Variants in SLIT2 observed in about 807,000 individuals in gnomAD.
SLIT2 encodes slit guidance ligand 2.
In SLIT2, 41 loss-of-function variants were observed where a neutral mutation model predicts 185.7. That is an observed-to-expected ratio of 0.22 (90% CI 0.17 to 0.29). SLIT2 has a LOEUF of 0.29. Ranked by LOEUF, SLIT2 falls within the 10% of genes least tolerant of loss-of-function variation. The pLI, the probability that SLIT2 is intolerant of heterozygous loss-of-function variation, is 1.00. For synonymous variants in SLIT2, 693 were observed against 680.2 expected (o/e 1.02, Z -0.29); for missense variants, 1,571 against 1,909.0 (o/e 0.82, Z 3.30).
intron 4 of SLIT2, among the ~76,000 whole-genome samples, chr4:20,308,233 C>T (rs757959737): frequency 7.2e-5 from 11 of 152,072 alleles, no homozygotes; most frequent in Non-Finnish European, 1.6e-4. Flanking sequence ...CATTCAGAAA[C>T]GGGATGTCAT....
intron 4 of SLIT2, among the ~76,000 whole-genome samples, chr4:20,276,158 A>G (rs1422907111): frequency 6.6e-6 from 1 of 152,136 alleles, no homozygotes; most frequent in Non-Finnish European, 1.5e-5. Flanking sequence ...AAAATTGCAA[A>G]TCTTTTAGCA....
intron 4 of SLIT2, among the ~76,000 whole-genome samples, chr4:20,450,649 T>C (rs1486086087): frequency 6.6e-6 from 1 of 152,234 alleles, no homozygotes; most frequent in East Asian, 1.9e-4. Context: ...TTTTTAACTA[T>C]GCAGGTAATA....
At chr4:20,318,643 T>A (rs1483111711) in intron 4 of SLIT2, among the ~76,000 whole-genome samples, 1 of 151,998 alleles carries the variant, frequency 6.6e-6, no homozygotes, top group Non-Finnish European at 1.5e-5. Flanking sequence ...AGTCATTTTT[T>A]TTTCCTTCTC....
intron 4 of SLIT2, among the ~76,000 whole-genome samples, chr4:20,295,835 GA>G (rs80128920): frequency 0.23 from 34,720 of 150,898 alleles, 5,057 homozygotes; most frequent in East Asian, 0.6. Flanking sequence ...TGAGTACTAG[GA>G]AAAAAAAATA....
chr4:20,401,645 C>G (rs768119803), intron 4 of SLIT2, among the ~76,000 whole-genome samples: 2 of 151,876 alleles, frequency 1.3e-5, no homozygotes, highest in Non-Finnish European at 2.9e-5. Context: ...AACCTCAAGT[C>G]TAAACTACAT....
chr4:20,263,955 C>G (rs532922316), intron 3 of SLIT2, among the ~76,000 whole-genome samples: 1 of 151,752 alleles, frequency 6.6e-6, no homozygotes, highest in African/African-American at 2.4e-5. Context: ...TTCTTCCTAA[C>G]GTAGTATATG....
chr4:20,568,802 A>C, intron 28 of SLIT2, 63 bp from the exon 29 acceptor site: 86 of 1,463,282 alleles, frequency 5.9e-5, no homozygotes, highest in Non-Finnish European at 7.2e-5. Flanking sequence ...TTCAATATTT[A>C]GACCACATGA....
chr4:20,612,455 C>T (rs1560239867), intron 34 of SLIT2, among the ~76,000 whole-genome samples: 1 of 152,104 alleles, frequency 6.6e-6, no homozygotes, highest in Non-Finnish European at 1.5e-5. Flanking sequence ...GTCCCACTGC[C>T]AGAGATCACC....
At position 20,491,754 on chromosome 4, in the gene SLIT2, T is replaced by A; in HGVS notation, c.776-7T>A. The A allele has an allele frequency of 6.2e-7, 1 of 1,606,868 alleles. No individual in the cohort carries two copies. Among genetic ancestry groups the A allele is most frequent in the Non-Finnish European group, 8.5e-7 (1 of 1,177,402 alleles). ...AAAAATATAATTCCTGTTTATTTCT[T>A]TTTTAGGTCACCAGTCATTTATGGC... On this transcript the variant is annotated splice_polypyrimidine_tract_variant and splice_region_variant and intron_variant, in intron 8 of 36. Transcript: ENST00000504154.
At chr4:20,549,482 A>T (rs997783379) in intron 24 of SLIT2, among the ~76,000 whole-genome samples, 1 of 152,070 alleles carries the variant, frequency 6.6e-6, no homozygotes, top group Non-Finnish European at 1.5e-5. Flanking sequence ...AGTATATGAA[A>T]ACATTTTTAC....
intron 4 of SLIT2, among the ~76,000 whole-genome samples, chr4:20,352,168 G>A (rs928320110): frequency 6.6e-6 from 1 of 152,092 alleles, no homozygotes; most frequent in African/African-American, 2.4e-5. Context: ...TTGAACTCTT[G>A]TGTTATAGCA....
intron 26 of SLIT2, among the ~76,000 whole-genome samples, chr4:20,564,186 G>A (rs1029405715): frequency 6.6e-6 from 1 of 151,756 alleles, no homozygotes; most frequent in Non-Finnish European, 1.5e-5. Context: ...TTCAGGAGAG[G>A]TGCTCTGAGA....
intron 4 of SLIT2, among the ~76,000 whole-genome samples, chr4:20,429,108 G>A (rs148186867): frequency 6.6e-6 from 1 of 152,050 alleles, no homozygotes; most frequent in Non-Finnish European, 1.5e-5. Flanking sequence ...TGGGGATCAG[G>A]CTGCCTCTTA....
intron 4 of SLIT2, among the ~76,000 whole-genome samples, chr4:20,438,123 A>T (rs12108498): frequency 0.036 from 5,416 of 152,060 alleles, 340 homozygotes; most frequent in African/African-American, 0.12. Flanking sequence ...TGGTCTTTCT[A>T]CTTCCAATTT....
intron 4 of SLIT2, among the ~76,000 whole-genome samples, chr4:20,331,135 C>T (rs984938627): frequency 6.6e-6 from 1 of 152,086 alleles, no homozygotes; most frequent in Non-Finnish European, 1.5e-5. Context: ...TGTTGTTATG[C>T]AGTCTCTTTT....
chr4:20,608,958 T>A (rs1728998355), intron 33 of SLIT2, among the ~76,000 whole-genome samples: 2 of 152,294 alleles, frequency 1.3e-5, no homozygotes, highest in South Asian at 2.1e-4. Flanking sequence ...CACCATTAAC[T>A]TTTTGATCTC....
At chr4:20,439,246 A>G (rs1472987922) in intron 4 of SLIT2, among the ~76,000 whole-genome samples, 2 of 152,202 alleles carry the variant, frequency 1.3e-5, no homozygotes, top group African/African-American at 2.4e-5. Context: ...AGGCCATTGT[A>G]TTACTTTGCT....
At chr4:20,452,725 G>A (rs932434503) in intron 4 of SLIT2, among the ~76,000 whole-genome samples, 52 of 152,062 alleles carry the variant, frequency 3.4e-4, no homozygotes, top group African/African-American at 1.0e-3. Context: ...ATATTGTGTT[G>A]AATGCTCTCT....
rs184335288 is a variant in SLIT2 at position 20,528,892 on chromosome 4, A to C, written c.1463-57A>C. Reference sequence around the variant, plus strand: ...TCTTACTTTTTTCTTCCTACAAACTAATAAATTTTCTAACCTTTAGACTCA... The same window carrying C: ...TCTTACTTTTTTCTTCCTACAAACTCATAAATTTTCTAACCTTTAGACTCA... On this transcript the variant is annotated intron_variant, in intron 15 of 36. Transcript: ENST00000504154. The surrounding 1 kb of genome is among the most constrained non-coding windows in gnomAD (Gnocchi z 4.2). 2.1e-6 allele frequency: 3 copies of C among 1,405,674 alleles called. No homozygotes were observed. The Middle Eastern group carries it at 5.6e-4, about 260-fold the overall frequency. 87.1% of individuals were successfully genotyped at this position (1,405,674 alleles called of 1,614,324 possible).
Sources: gnomAD v4.1 joint callset for allele counts (sites outside exome capture counted in the v4.1 genomes callset) on GRCh38, gnomAD v4.1.1 for gene constraint, Gnocchi (gnomAD v3.1) non-coding constraint, MANE v1.5 for transcripts, NCBI Gene and HGNC (gene_info 2026-07-23, HGNC 2026-07-21) for gene names.